Variants in RRH observed in about 807,000 individuals in gnomAD.
The protein encoded by RRH is visual pigment-like receptor peropsin.
A neutral mutation model predicts 33.1 loss-of-function variants in RRH; 36 were observed. The observed-to-expected ratio is 1.09, with a 90% CI of 0.83 to 1.44. The LOEUF is 1.44. Among genes scored for constraint, RRH ranks in the 40% most tolerant of loss-of-function variants. The pLI is 0.00. For synonymous variants in RRH, 124 were observed against 140.2 expected (o/e 0.88, Z 0.82); for missense variants, 393 against 420.2 (o/e 0.94, Z 0.57).
At chr4:109,835,801 A>G (rs1343029398) in intron 3 of RRH, among the ~76,000 whole-genome samples, 1 of 150,846 alleles carries the variant, frequency 6.6e-6, no homozygotes, top group African/African-American at 2.4e-5. Context: ...TTTTTTTTCC[A>G]GAATGTGAAC....
intron 1 of RRH, 50 bp from the exon 2 acceptor site, chr4:109,833,089 G>A (rs367839957): frequency 4.1e-6 from 6 of 1,464,004 alleles, no homozygotes; most frequent in Non-Finnish European, 5.7e-6. Context: ...AGTCTACTTT[G>A]AAACATTCAA....
chr4:109,836,745 A>AT (rs202052288), intron 4 of RRH, among the ~76,000 whole-genome samples: 3,134 of 151,970 alleles, frequency 0.021, 104 homozygotes, highest in African/African-American at 0.07. Flanking sequence ...CCTGATCTAA[A>AT]TTTTTTTCTG....
chr4:109,837,691 T>G, intron 5 of RRH, 86 bp downstream of exon 5: 1 of 963,410 alleles, frequency 1.0e-6, no homozygotes. Flanking sequence ...CACCGCAGTC[T>G]TCTCTCCCTC....
rs1263303397 is a variant in RRH at position 109,833,477 on chromosome 4, A to G, written c.297+148A>G. ...TGGAAAACAACAGAAGTGACTAGGA[A>G]TATATTCTTTAATAAGAGAAATTAA... On this transcript the variant is annotated intron_variant, in intron 2 of 6. Coordinates refer to ENST00000317735, the MANE Select transcript of RRH (RefSeq NM_006583.5). The G allele has an allele frequency of 6.0e-6, 4 of 662,984 alleles. No individual in the cohort carries two copies. In the African/African-American group the frequency reaches 7.3e-5, roughly 12 times the overall value. The allele number at this position is 662,984 out of a possible 1,614,324, so 41.1% of individuals were successfully genotyped here.
In RRH at chr4:109,828,076, G is replaced by A. The variant is rs768067986; in HGVS notation, c.49G>A (p.Gly17Ser). 10 of 1,612,818 alleles carry A rather than the reference G, an allele frequency of 6.2e-6. No homozygotes were observed. The East Asian group carries it at 6.7e-5, about 11-fold the overall frequency. Reference protein sequence around the residue: ...GNSSDSKNEDGSVFSQTEHNI... With the variant: ...GNSSDSKNEDSSVFSQTEHNI... ...CAGTTCAGACTCTAAAAATGAAGATGGCTCGGTCTTTTCACAGACTGAACA... is the reference window on the plus strand; with the variant it reads ...CAGTTCAGACTCTAAAAATGAAGATAGCTCGGTCTTTTCACAGACTGAACA... Residue 17 changes from glycine to serine, a missense_variant, in exon 1 of 7, where the codon GGC (glycine) becomes AGC (serine). Coordinates refer to ENST00000317735, the MANE Select transcript of RRH (RefSeq NM_006583.5).
Position 109,828,120 on chromosome 4 carries a change from C to A in RRH, c.93C>A (p.Tyr31Ter), listed in dbSNP as rs1264629777. 2 of 1,607,350 alleles carry A rather than the reference C, an allele frequency of 1.2e-6. No individual in the cohort carries two copies. The highest frequency in any genetic ancestry group is 1.7e-6 in the Non-Finnish European group (2 of 1,174,050). ...SQTEHNIVAT[Y>*]LIMAGMISII... ...CTGAACACAATATTGTTGCAACTTA[C>A]TTGATTATGGCAGGTATGGATATTT... Residue 31 changes from tyrosine to a stop codon, truncating the protein, a stop_gained, in exon 1 of 7, where the codon TAC (tyrosine) becomes TAA (stop). Coordinates refer to ENST00000317735, the MANE Select transcript of RRH (RefSeq NM_006583.5). LOFTEE classifies it high-confidence loss of function.
intron 5 of RRH, among the ~76,000 whole-genome samples, chr4:109,839,952 A>C (rs1367326927): frequency 6.6e-6 from 1 of 152,226 alleles, no homozygotes; most frequent in African/African-American, 2.4e-5. Flanking sequence ...TCTTTATAAT[A>C]CAATGATTTA....
In RRH at chr4:109,836,169, C is replaced by G. The variant is rs752184185; in HGVS notation, c.551+9C>G. ...TGGAGGAAAAATGATAGGTAAGAGA[C>G]AAGTTTACACTTTATAATCAAATGC... is the stretch of plus-strand genomic sequence containing the variant. On this transcript the variant is annotated intron_variant, in intron 4 of 6. Transcript: ENST00000317735. 2 of 1,613,402 alleles carry G rather than the reference C, an allele frequency of 1.2e-6. No homozygotes were observed. Among genetic ancestry groups the G allele is most frequent in the Non-Finnish European group, 1.7e-6 (2 of 1,179,372 alleles).
rs1298895041 is a variant in RRH, at chr4:109,835,314, T to C, written c.298-52T>C. On this transcript the variant is annotated intron_variant, in intron 2 of 6. Transcript: ENST00000317735. ...TCTAACAATGGACAAAAATTTAATGTTTCTTGGGAGGGTGTTTAGAATGGT... is the reference window on the plus strand; with the variant it reads ...TCTAACAATGGACAAAAATTTAATGCTTCTTGGGAGGGTGTTTAGAATGGT... 4.8e-6 allele frequency: 6 copies of C among 1,243,940 alleles called. No individual in the cohort carries two copies. In the African/African-American group the frequency reaches 5.9e-5, roughly 12 times the overall value. 77.1% of individuals were successfully genotyped at this position (1,243,940 alleles called of 1,614,324 possible). A position where few individuals can be genotyped will look rare whatever the true frequency, so the allele number is the denominator to read the frequency against.
intron 6 of RRH, among the ~76,000 whole-genome samples, chr4:109,843,059 C>T (rs1312188940): frequency 1.3e-5 from 2 of 152,180 alleles, no homozygotes; most frequent in African/African-American, 4.8e-5. Context: ...ACATTGGGCT[C>T]ACTTGGTGGG....
At chr4:109,835,977 G>A in intron 3 of RRH, 30 bp from the exon 4 acceptor site, 3 of 1,613,492 alleles carry the variant, frequency 1.9e-6, no homozygotes, top group Non-Finnish European at 2.5e-6. Flanking sequence ...AATGGCAAAT[G>A]TTGCTAATAT....
intron 4 of RRH, 103 bp from the exon 5 acceptor site, chr4:109,837,334 A>G (rs1733904587): frequency 1.9e-6 from 2 of 1,027,042 alleles, no homozygotes; most frequent in Non-Finnish European, 3.0e-6. Flanking sequence ...TTATTTAGCA[A>G]TATAATGACT....
At chr4:109,832,495 AGTGTGTGTGTGTGTGTGTGT>A (rs36127904) in intron 1 of RRH, among the ~76,000 whole-genome samples, 3 of 135,178 alleles carry the variant, frequency 2.2e-5, no homozygotes, top group Non-Finnish European at 3.1e-5. Flanking sequence ...CTATTGGGGT[AGTGTGTGTGTGTGTGTGTGT>A]GTGTGTGTGT....
At chr4:109,831,404 C>T (rs1001264070) in intron 1 of RRH, among the ~76,000 whole-genome samples, 22 of 152,154 alleles carry the variant, frequency 1.4e-4, no homozygotes, top group Admixed American at 5.2e-4. Context: ...AATAAATCTG[C>T]TGTATGTCAC....
chr4:109,831,753 C>G (rs1733755018), intron 1 of RRH, among the ~76,000 whole-genome samples: 1 of 152,046 alleles, frequency 6.6e-6, no homozygotes, highest in Non-Finnish European at 1.5e-5. Context: ...ACAGATGAGG[C>G]AAAGAGCCTG....
intron 5 of RRH, among the ~76,000 whole-genome samples, chr4:109,838,712 A>G (rs964131340): frequency 6.6e-6 from 1 of 152,200 alleles, no homozygotes; most frequent in Non-Finnish European, 1.5e-5. Context: ...GCATTGCTCT[A>G]CAGTCTCCTA....
intron 1 of RRH, among the ~76,000 whole-genome samples, chr4:109,831,605 A>G (rs2125892154): frequency 6.6e-6 from 1 of 152,226 alleles, no homozygotes; most frequent in African/African-American, 2.4e-5. Flanking sequence ...TGAAGGATGG[A>G]TGGCATTTGG....
At chr4:109,842,180 C>T (rs1733997226) in intron 5 of RRH, among the ~76,000 whole-genome samples, 1 of 152,086 alleles carries the variant, frequency 6.6e-6, no homozygotes, top group Non-Finnish European at 1.5e-5. Context: ...GTACTCTCCC[C>T]TAGCACGCAG....
chr4:109,842,147 G>A (rs77924479), intron 5 of RRH, among the ~76,000 whole-genome samples: 12,424 of 152,112 alleles, frequency 0.082, 662 homozygotes, highest in Non-Finnish European at 0.13. Flanking sequence ...GTTTTTATCT[G>A]TCTTTCATCA....
Sources: allele counts gnomAD v4.1 joint callset (sites outside exome capture counted in the v4.1 genomes callset), GRCh38; gene constraint gnomAD v4.1.1; transcripts MANE v1.5; gene names NCBI Gene and HGNC (gene_info 2026-07-23, HGNC 2026-07-21).